UHRF2: variants seen among roughly 807,000 people sequenced by gnomAD.
The protein encoded by UHRF2 is E3 ubiquitin-protein ligase UHRF2.
In UHRF2, 23 loss-of-function variants were observed where a neutral mutation model predicts 96.8. The ratio of observed to expected loss-of-function variants is 0.24; its 90% confidence interval spans 0.17 to 0.34. The LOEUF (loss-of-function observed/expected upper bound fraction) is 0.34, where lower values mean the gene tolerates loss of function less well. UHRF2 is among the 10% of genes least tolerant of loss of function. The pLI is 1.00. For synonymous variants in UHRF2, 385 were observed against 332.6 expected, an observed-to-expected ratio of 1.16 and a Z score of -1.72; for missense variants, 685 against 981.5, an observed-to-expected ratio of 0.70 and a Z score of 4.04.
chr9:6,438,341 T>G (rs1403659002), intron 3 of UHRF2, among the ~76,000 whole-genome samples: 2 of 152,128 alleles, frequency 1.3e-5, no homozygotes, highest in Non-Finnish European at 2.9e-5. Context: ...ATCTATGAAG[T>G]TAGTAATTGT....
rs192518507 is a variant in UHRF2 at position 6,453,951 on chromosome 9, T to C, written c.645-6622T>C. 1.6e-3 allele frequency among the ~76,000 whole-genome samples: 240 copies of C among 152,264 alleles called. 1 individual carries two copies. Among genetic ancestry groups the C allele is most frequent in the Non-Finnish European group, 2.9e-3 (195 of 68,000 alleles). On this transcript the variant is annotated intron_variant, in intron 3 of 15. Transcript: ENST00000276893. Reference sequence around the variant, plus strand: ...ATTGAAATGGAGAAGAGTAGAACTATAGACATAATTTTGTACTTGTCAGGT... The same window carrying C: ...ATTGAAATGGAGAAGAGTAGAACTACAGACATAATTTTGTACTTGTCAGGT...
chr9:6,468,447 A>G (rs3739654), intron 4 of UHRF2: 116,179 of 455,834 alleles, frequency 0.25, 18,382 homozygotes, highest in African/African-American at 0.58. Flanking sequence ...CAGAGAATCA[A>G]AGAGAACCAA....
intron 9 of UHRF2, among the ~76,000 whole-genome samples, chr9:6,491,868 G>A (rs1824679037): frequency 1.3e-5 from 2 of 152,078 alleles, no homozygotes; most frequent in East Asian, 3.8e-4. Flanking sequence ...AACAAATTTA[G>A]GCTGATTATT....
At chr9:6,475,028 A>T (rs1823480530) in intron 4 of UHRF2, among the ~76,000 whole-genome samples, 1 of 152,216 alleles carries the variant, frequency 6.6e-6, no homozygotes, top group Non-Finnish European at 1.5e-5. Flanking sequence ...AACAGAAAAC[A>T]TACCTTATTT....
chr9:6,500,376 G>C (rs960459920), intron 13 of UHRF2, among the ~76,000 whole-genome samples, 176 bp from the exon 14 acceptor site: 1 of 152,208 alleles, frequency 6.6e-6, no homozygotes, highest in East Asian at 1.9e-4. Context: ...TTGTTTAATA[G>C]TGTCAGAGCC....
Position 6,481,984 on chromosome 9 carries a change from T to A in UHRF2, c.1285-8T>A. 6.2e-7 allele frequency: 1 copy of A among 1,611,722 alleles called. No homozygotes were observed. The highest frequency in any genetic ancestry group is 8.5e-7 in the Non-Finnish European group (1 of 1,179,178). ...CTGATTTCTCAACGTTTGTTTTGCG[T>A]CTTGTAGGGAATGGCTTGTGTTGGT... On this transcript the variant is annotated splice_polypyrimidine_tract_variant and splice_region_variant and intron_variant, in intron 7 of 15. Coordinates refer to ENST00000276893, the MANE Select transcript of UHRF2 (RefSeq NM_152896.3).
intron 15 of UHRF2, 104 bp from the exon 16 acceptor site, chr9:6,505,929 T>C (rs1003972282): frequency 8.6e-7 from 1 of 1,168,686 alleles, no homozygotes; most frequent in Non-Finnish European, 1.2e-6. Flanking sequence ...ATTCTGTACA[T>C]TTCTCTCATT....
At chr9:6,474,508 C>T (rs531120580) in intron 4 of UHRF2, among the ~76,000 whole-genome samples, 33 of 152,236 alleles carry the variant, frequency 2.2e-4, no homozygotes, top group Admixed American at 1.7e-3. Context: ...GAGTTCGAGA[C>T]GAGCCCAGCC....
In UHRF2 at chr9:6,474,482, G is replaced by A. The variant is rs374748506; in HGVS notation, c.864-909G>A. Among the ~76,000 whole-genome samples, 7 of 152,176 alleles carry A rather than the reference G, an allele frequency of 4.6e-5. No individual in the cohort carries two copies. The East Asian group carries it at 9.6e-4, about 21-fold the overall frequency. On this transcript the variant is annotated intron_variant, in intron 4 of 15. Transcript: ENST00000276893. The stretch of plus-strand genomic sequence containing the variant: ...GCACTTTGGGAGGCCGAGGCGGGCA[G>A]GTCACCTGAGGTCAGGAGTTCGAGA...
chr9:6,431,301 AT>A (rs1820549525), intron 2 of UHRF2, among the ~76,000 whole-genome samples: 1 of 152,100 alleles, frequency 6.6e-6, no homozygotes, highest in African/African-American at 2.4e-5. Flanking sequence ...TACTTACTAT[AT>A]TTAGTAGGAT....
chr9:6,481,548 C>G (rs1285228228), intron 6 of UHRF2, 95 bp from the exon 7 acceptor site: 1 of 1,439,130 alleles, frequency 6.9e-7, no homozygotes, highest in Admixed American at 2.2e-5. Context: ...AATAATACAT[C>G]TTAAAACTTG....
chr9:6,438,638 A>G (rs190643629), intron 3 of UHRF2, among the ~76,000 whole-genome samples: 2 of 152,342 alleles, frequency 1.3e-5, no homozygotes, highest in East Asian at 3.9e-4. Context: ...GATGTATTGT[A>G]CATGAGATGA....
intron 3 of UHRF2, among the ~76,000 whole-genome samples, chr9:6,438,567 T>A (rs749480983): frequency 2.0e-5 from 3 of 152,216 alleles, no homozygotes; most frequent in Non-Finnish European, 2.9e-5. Context: ...CAATTGTGTC[T>A]GCAAACCTCT....
chr9:6,413,820 G>GA (rs1371805557), intron 1 of UHRF2, 177 bp downstream of exon 1: 1 of 761,344 alleles, frequency 1.3e-6, no homozygotes, highest in Admixed American at 4.4e-5. Context: ...GAATGGTGGG[G>GA]AGTGGGTCCC....
At chr9:6,455,982 C>T (rs1366217379) in intron 3 of UHRF2, among the ~76,000 whole-genome samples, 1 of 151,866 alleles carries the variant, frequency 6.6e-6, no homozygotes, top group East Asian at 1.9e-4. Context: ...AACCCTGTCT[C>T]TAAAAACAAT....
At chr9:6,418,295 A>G (rs1022792354) in intron 1 of UHRF2, among the ~76,000 whole-genome samples, 1 of 143,074 alleles carries the variant, frequency 7.0e-6, no homozygotes, top group African/African-American at 2.6e-5. Flanking sequence ...AGGAAGCAAT[A>G]TTCCCATCCC....
intron 9 of UHRF2, among the ~76,000 whole-genome samples, chr9:6,491,739 G>A (rs372976469): frequency 6.6e-6 from 1 of 152,198 alleles, no homozygotes; most frequent in Non-Finnish European, 1.5e-5. Context: ...TTACTTTGGG[G>A]CAGTGCTGTG....
chr9:6,413,798 C>T (rs1160398239), intron 1 of UHRF2, 155 bp downstream of exon 1: 35 of 955,846 alleles, frequency 3.7e-5, no homozygotes, highest in Non-Finnish European at 4.6e-5. Context: ...GGGTGCGGGG[C>T]CCAGTCCCGC....
chr9:6,430,496 G>T (rs1820505416), intron 2 of UHRF2, among the ~76,000 whole-genome samples: 2 of 152,242 alleles, frequency 1.3e-5, no homozygotes, highest in East Asian at 3.9e-4. Context: ...AGGAGAGACT[G>T]CCCTTTTTCC....
Sources: allele counts gnomAD v4.1 joint callset (sites outside exome capture counted in the v4.1 genomes callset), GRCh38; gene constraint gnomAD v4.1.1; transcripts MANE v1.5; gene names NCBI Gene and HGNC (gene_info 2026-07-23, HGNC 2026-07-21).